Variants in PPP3R1 observed in about 807,000 individuals in gnomAD.
The protein encoded by PPP3R1 is calcineurin subunit B type 1.
In PPP3R1, 5 loss-of-function variants were observed where a neutral mutation model predicts 22.6. The ratio of observed to expected loss-of-function variants is 0.22; its 90% confidence interval spans 0.12 to 0.46. PPP3R1 has a LOEUF of 0.46. Ranked by LOEUF, PPP3R1 falls within the 20% of genes least tolerant of loss-of-function variation. The pLI, the probability that PPP3R1 is intolerant of heterozygous loss-of-function variation, is 0.99. For missense variants in PPP3R1, 61 were observed against 203.2 expected, an observed-to-expected ratio of 0.30 and a Z score of 4.25; for synonymous variants, 56 against 65.2, an observed-to-expected ratio of 0.86 and a Z score of 0.68.
intron 2 of PPP3R1, among the ~76,000 whole-genome samples, chr2:68,204,775 C>CA (rs1675076342): frequency 6.6e-6 from 1 of 152,184 alleles, no homozygotes; most frequent in Admixed American, 6.5e-5. Context: ...CAAAGGTATA[C>CA]AGCCTTTAAA....
intron 5 of PPP3R1, among the ~76,000 whole-genome samples, chr2:68,182,729 CAAAA>C (rs148908840): frequency 9.6e-6 from 1 of 104,630 alleles, no homozygotes; most frequent in Non-Finnish European, 2.0e-5. Flanking sequence ...CACTCCCTCT[CAAAA>C]AAAAAAAAAA....
chr2:68,247,142 A>G (rs1206992620), intron 1 of PPP3R1, among the ~76,000 whole-genome samples: 1 of 148,166 alleles, frequency 6.7e-6, no homozygotes, highest in African/African-American at 2.4e-5. Context: ...TTTTGTACAG[A>G]TGGGCTTTCA....
At chr2:68,183,198 T>C (rs911042843) in intron 5 of PPP3R1, among the ~76,000 whole-genome samples, 7 of 152,222 alleles carry the variant, frequency 4.6e-5, no homozygotes, top group Non-Finnish European at 7.3e-5. Context: ...TTTGAGTGTA[T>C]AGAGAATTTT....
At chr2:68,243,459 A>G (rs1442006393) in intron 1 of PPP3R1, among the ~76,000 whole-genome samples, 1 of 152,176 alleles carries the variant, frequency 6.6e-6, no homozygotes, top group Non-Finnish European at 1.5e-5. Context: ...GAAGGGTAAA[A>G]ATGAGGAATA....
At chr2:68,243,758 T>C (rs1041781384) in intron 1 of PPP3R1, among the ~76,000 whole-genome samples, 2 of 152,168 alleles carry the variant, frequency 1.3e-5, no homozygotes, top group African/African-American at 4.8e-5. Context: ...AAAATACCAT[T>C]AAAACTTTGG....
chr2:68,227,936 T>C (rs938235124), intron 1 of PPP3R1, among the ~76,000 whole-genome samples: 4 of 152,192 alleles, frequency 2.6e-5, no homozygotes, highest in African/African-American at 9.6e-5. Context: ...TTTTCTTCTT[T>C]CCAATCTGTA....
chr2:68,242,305 CAA>C (rs938580289), intron 1 of PPP3R1, among the ~76,000 whole-genome samples: 29 of 151,880 alleles, frequency 1.9e-4, no homozygotes, highest in African/African-American at 7.0e-4. Flanking sequence ...TGCGCACCCG[CAA>C]TCACAGCTAC....
chr2:68,205,947 G>C (rs1197265309), intron 2 of PPP3R1, among the ~76,000 whole-genome samples: 1 of 152,084 alleles, frequency 6.6e-6, no homozygotes, highest in East Asian at 1.9e-4. Flanking sequence ...AGCCACCTGA[G>C]TAGCTGGGAT....
At chr2:68,193,469 AG>A (rs1270262989) in intron 2 of PPP3R1, among the ~76,000 whole-genome samples, 1 of 152,158 alleles carries the variant, frequency 6.6e-6, no homozygotes, top group East Asian at 1.9e-4. Context: ...GAGCAACTAG[AG>A]GAATCCATAC....
intron 2 of PPP3R1, among the ~76,000 whole-genome samples, chr2:68,198,332 CATATATGTACATGTATATGCATATAT>C (rs1301266965): frequency 8.2e-4 from 54 of 65,574 alleles, no homozygotes; most frequent in African/African-American, 4.0e-3. Flanking sequence ...TACATATGTA[CATATATGTACATGTATATGCATATAT>C]ATGTACATAT....
At chr2:68,208,625 T>A (rs1411737658) in intron 2 of PPP3R1, among the ~76,000 whole-genome samples, 1 of 152,158 alleles carries the variant, frequency 6.6e-6, no homozygotes, top group Non-Finnish European at 1.5e-5. Context: ...CCTCATATGA[T>A]CCTAATTATA....
At chr2:68,202,737 G>C (rs540628819) in intron 2 of PPP3R1, among the ~76,000 whole-genome samples, 2 of 149,328 alleles carry the variant, frequency 1.3e-5, no homozygotes, top group South Asian at 4.2e-4. Flanking sequence ...TCCTTTACTT[G>C]AGACTACTTG....
intron 1 of PPP3R1, 86 bp downstream of exon 1, chr2:68,252,039 C>T (rs1344986305): frequency 2.3e-6 from 3 of 1,280,326 alleles, no homozygotes; most frequent in Non-Finnish European, 3.1e-6. Context: ...GACAGCCGAC[C>T]GGGGGCGTCG....
rs1674359404 is a variant in PPP3R1 at position 68,179,561 on chromosome 2, T to C, written c.*1402A>G. The C allele has an allele frequency of 6.6e-6, 1 of 152,216 alleles. No homozygotes were observed. 9.4% of individuals were successfully genotyped at this position (152,216 alleles called of 1,614,324 possible). ...CCACTGATTTTAAAACCAGTTTTTA[T>C]AGAGAAACTATAAAGGGAAAGACTA... On this transcript the variant is annotated 3_prime_UTR_variant, in exon 6 of 6. Coordinates refer to ENST00000234310, the MANE Select transcript of PPP3R1 (RefSeq NM_000945.4).
intron 5 of PPP3R1, among the ~76,000 whole-genome samples, chr2:68,183,240 C>A (rs11693063): frequency 0.74 from 113,417 of 152,256 alleles, 43,305 homozygotes; most frequent in African/African-American, 0.93. Flanking sequence ...CAGAATTGCA[C>A]AGGCAAAATG....
intron 1 of PPP3R1, among the ~76,000 whole-genome samples, chr2:68,229,979 C>G (rs900688857): frequency 2.6e-5 from 1 of 38,810 alleles, no homozygotes; most frequent in African/African-American, 2.0e-4. Flanking sequence ...CACATACACA[C>G]ACACACACAC....
chr2:68,189,908 T>G (rs1194504889), intron 2 of PPP3R1, among the ~76,000 whole-genome samples: 1 of 151,598 alleles, frequency 6.6e-6, no homozygotes, highest in African/African-American at 2.4e-5. Context: ...ACAACAACTT[T>G]TAAAAAGAAA....
chr2:68,243,845 C>A (rs993109481), intron 1 of PPP3R1, among the ~76,000 whole-genome samples: 1 of 151,628 alleles, frequency 6.6e-6, no homozygotes, highest in Non-Finnish European at 1.5e-5. Context: ...AAAACTTTTA[C>A]GATCAATCTT....
Position 68,210,027 on chromosome 2 carries a change from A to C in PPP3R1, c.43+7065T>G, listed in dbSNP as rs185249599. ...ATGAGCAATGGGGAAAGTGGTCTTA[A>C]CAATACAAAACAGAAGTGACACCTC... On this transcript the variant is annotated intron_variant, in intron 2 of 5. Transcript: ENST00000234310. Among the ~76,000 whole-genome samples the C allele has an allele frequency of 2.2e-3, 334 of 152,322 alleles. 2 individuals are homozygous for C. Among genetic ancestry groups the C allele is most frequent in the Non-Finnish European group, 3.8e-3 (257 of 68,032 alleles).
Sources: gnomAD v4.1 joint callset for allele counts (sites outside exome capture counted in the v4.1 genomes callset) on GRCh38, gnomAD v4.1.1 for gene constraint, MANE v1.5 for transcripts, NCBI Gene and HGNC (gene_info 2026-07-23, HGNC 2026-07-21) for gene names.